The following NBEA variants were observed in gnomAD, a reference collection of about 807,000 sequenced individuals.
NBEA encodes neurobeachin, also known as lysosomal-trafficking regulator 2.
NBEA carries 44 observed loss-of-function variants against 343.4 expected under a neutral mutation model. The ratio of observed to expected loss-of-function variants is 0.13; its 90% CI spans 0.10 to 0.16. NBEA has a LOEUF of 0.16. Ranked by LOEUF, NBEA falls within the 10% of genes least tolerant of loss-of-function variation. NBEA has a pLI of 1.00. For synonymous variants in NBEA, 1,175 were observed against 1,238.7 expected (o/e 0.95, Z 1.08); for missense variants, 2,555 against 3,631.3 (o/e 0.70, Z 7.62).
chr13:35,127,386 G>A (rs183315434), intron 17 of NBEA, among the ~76,000 whole-genome samples: 3 of 152,302 alleles, frequency 2.0e-5, no homozygotes, highest in Admixed American at 2.0e-4. Context: ...AGAAACTATT[G>A]CTAAGGACCG....
intron 44 of NBEA, among the ~76,000 whole-genome samples, chr13:35,558,671 A>G (rs149515459): frequency 1.1e-3 from 161 of 152,334 alleles, no homozygotes; most frequent in African/African-American, 3.8e-3. Context: ...CTCCTCCTCA[A>G]GCCTACAGAA....
At chr13:35,157,586 A>C (rs574650636) in intron 21 of NBEA, among the ~76,000 whole-genome samples, 30 of 152,270 alleles carry the variant, frequency 2.0e-4, no homozygotes, top group African/African-American at 7.0e-4. Flanking sequence ...ATATTTTATG[A>C]AATAGTCTCT....
intron 36 of NBEA, among the ~76,000 whole-genome samples, chr13:35,339,918 A>G (rs1594275519): frequency 6.6e-6 from 1 of 152,110 alleles, no homozygotes; most frequent in East Asian, 1.9e-4. Flanking sequence ...TCAACATACA[A>G]TTTGGGTGTG....
At chr13:35,118,582 C>T in intron 16 of NBEA, 108 bp downstream of exon 16, 1 of 815,500 alleles carries the variant, frequency 1.2e-6, no homozygotes, top group Non-Finnish European at 1.9e-6. Context: ...CAAAGTCTTG[C>T]ACATAAGAGA....
At chr13:35,042,511 G>C (rs918139393) in intron 2 of NBEA, among the ~76,000 whole-genome samples, 2 of 151,530 alleles carry the variant, frequency 1.3e-5, no homozygotes, top group African/African-American at 4.8e-5. Flanking sequence ...TCTATGGAGT[G>C]CAGTTTAGAG....
chr13:35,432,095 A>AAT (rs142474233), intron 38 of NBEA, among the ~76,000 whole-genome samples, 174 bp from the exon 39 acceptor site: 8,931 of 150,888 alleles, frequency 0.059, 522 homozygotes, highest in African/African-American at 0.15. Context: ...TTGTAGAGGA[A>AAT]ATATATATAT....
intron 41 of NBEA, among the ~76,000 whole-genome samples, chr13:35,515,047 G>C (rs1165612705): frequency 6.6e-6 from 1 of 152,222 alleles, no homozygotes; most frequent in East Asian, 1.9e-4. Context: ...AGAACGGGCA[G>C]TGAAAGTGGG....
chr13:35,036,681 G>A (rs2152554315), intron 1 of NBEA, among the ~76,000 whole-genome samples: 1 of 151,964 alleles, frequency 6.6e-6, no homozygotes, highest in African/African-American at 2.4e-5. Flanking sequence ...ACTATTCTAG[G>A]GTAAAAGGAT....
chr13:35,246,910 G>A (rs1342250389), intron 34 of NBEA, among the ~76,000 whole-genome samples: 1 of 152,152 alleles, frequency 6.6e-6, no homozygotes, highest in East Asian at 1.9e-4. Context: ...GGACCATCAG[G>A]TGGGGGCAGG....
intron 33 of NBEA, among the ~76,000 whole-genome samples, chr13:35,213,543 A>C (rs2073902396): frequency 6.6e-6 from 1 of 151,912 alleles, no homozygotes; most frequent in South Asian, 2.1e-4. Flanking sequence ...GTGGGGCTAT[A>C]TAGGTCTCTT....
Position 35,118,413 on chromosome 13 carries a change from G to A in NBEA, c.2182G>A (p.Ala728Thr). The A allele has an allele frequency of 6.2e-7, 1 of 1,607,308 alleles. No homozygotes were observed. The highest frequency in any genetic ancestry group is 8.5e-7 in the Non-Finnish European group (1 of 1,177,280). Residue 728 changes from alanine (A) to threonine (T), a missense_variant, in exon 16 of 59, where the codon GCT becomes ACT. By Grantham distance (58) the Ala-to-Thr change is moderately conservative. Coordinates refer to ENST00000379939, the MANE Select transcript of NBEA (RefSeq NM_001385012.1). ...NIHDVLQLLV[A>T]LMSEHPASMI... ...TCATGATGTGCTACAGTTACTGGTG[G>A]CTTTAATGTCGGAACACCCAGCCTC...
chr13:35,444,659 T>G (rs2045904616), intron 39 of NBEA, among the ~76,000 whole-genome samples: 1 of 152,056 alleles, frequency 6.6e-6, no homozygotes, highest in Admixed American at 6.6e-5. Flanking sequence ...CAGATTTCTA[T>G]TCTGCCAGTG....
intron 10 of NBEA, among the ~76,000 whole-genome samples, chr13:35,082,678 G>A (rs2064483429): frequency 6.6e-6 from 1 of 152,094 alleles, no homozygotes; most frequent in South Asian, 2.1e-4. Flanking sequence ...GTGATGATGA[G>A]CATTTTTTCG....
At chr13:35,375,335 A>G (rs1425104571) in intron 38 of NBEA, among the ~76,000 whole-genome samples, 2 of 152,274 alleles carry the variant, frequency 1.3e-5, no homozygotes, top group Middle Eastern at 3.4e-3. Flanking sequence ...ACGTAAGGTC[A>G]TCTCATACAT....
intron 17 of NBEA, among the ~76,000 whole-genome samples, chr13:35,140,807 A>G (rs2068045834): frequency 6.6e-6 from 1 of 152,286 alleles, no homozygotes; most frequent in Admixed American, 6.5e-5. Context: ...TAAATAATGA[A>G]ATTCTAGTCA....
chr13:35,060,313 A>G (rs1265815225), intron 8 of NBEA, among the ~76,000 whole-genome samples: 3 of 151,878 alleles, frequency 2.0e-5, no homozygotes, highest in African/African-American at 7.2e-5. Context: ...TAATTCTTCT[A>G]TTCACAAAGA....
At chr13:35,509,394 T>A (rs1036870118) in intron 41 of NBEA, among the ~76,000 whole-genome samples, 3 of 149,806 alleles carry the variant, frequency 2.0e-5, no homozygotes, top group South Asian at 2.1e-4. Context: ...AGAGAGAGAG[T>A]GAGCGAGTGA....
Position 35,159,010 on chromosome 13 carries a change from C to A in NBEA, c.2845-6C>A. 6.4e-7 allele frequency: 1 copy of A among 1,565,458 alleles called. No homozygotes were observed. Among genetic ancestry groups the A allele is most frequent in the South Asian group, 1.2e-5 (1 of 82,080 alleles). ...TGCCTTAATGTTTTCTTTACTTATT[C>A]CTAAGGTCACTTATGAAGCTCATAA... On this transcript the variant is annotated splice_region_variant and splice_polypyrimidine_tract_variant and intron_variant, in intron 21 of 58. Coordinates refer to ENST00000379939, the MANE Select transcript of NBEA (RefSeq NM_001385012.1).
In NBEA at chr13:35,334,691, CTAAATGGATTAT is replaced by C. The variant is rs2039141795; in HGVS notation, c.5904-14414_5904-14403del. On this transcript the variant is annotated intron_variant, in intron 36 of 58. Transcript: ENST00000379939. ...GTCTGTTCAAATTATTTGCCCATTT[CTAAATGGATTAT>C]TAGATTTTTACCAATAGTGTTATTT... Among the ~76,000 whole-genome samples, 4 of 152,264 alleles carry C rather than the reference CTAAATGGATTAT, an allele frequency of 2.6e-5. 1 individual carries two copies. The highest frequency in any genetic ancestry group is 9.6e-5 in the African/African-American group (4 of 41,572).
Sources: allele counts gnomAD v4.1 joint callset (sites outside exome capture counted in the v4.1 genomes callset), GRCh38; gene constraint gnomAD v4.1.1; transcripts MANE v1.5; gene names NCBI Gene and HGNC (gene_info 2026-07-23, HGNC 2026-07-21).